PTPRG: variants seen among roughly 807,000 people sequenced by gnomAD.
The protein encoded by PTPRG is protein tyrosine phosphatase receptor type G.
PTPRG carries 102 observed loss-of-function variants against 165.3 expected under a neutral mutation model. The observed-to-expected ratio is 0.62, with a 90% CI of 0.53 to 0.73. The LOEUF (loss-of-function observed/expected upper bound fraction) is 0.73. PTPRG is among the 30% of genes least tolerant of loss of function. PTPRG has a pLI of 0.00. For synonymous variants in PTPRG, 675 were observed against 669.5 expected, an observed-to-expected ratio of 1.01 and a Z score of -0.13; for missense variants, 1,866 against 1,861.4, an observed-to-expected ratio of 1.00 and a Z score of -0.05.
intron 5 of PTPRG, among the ~76,000 whole-genome samples, chr3:62,131,987 G>A (rs1703533282): frequency 6.6e-6 from 1 of 152,152 alleles, no homozygotes; most frequent in Non-Finnish European, 1.5e-5. Context: ...AAAGTTAAGG[G>A]AAAGAAGAGG....
intron 2 of PTPRG, among the ~76,000 whole-genome samples, chr3:61,967,071 A>G (rs941042530): frequency 4.6e-5 from 7 of 152,202 alleles, no homozygotes; most frequent in African/African-American, 1.7e-4. Context: ...GTGTATGACA[A>G]AGTAAACTAA....
In PTPRG at chr3:62,277,020, C is replaced by T; in HGVS notation, c.3608C>T (p.Thr1203Ile). The T allele has an allele frequency of 6.2e-7, 1 of 1,612,880 alleles. No individual in the cohort carries two copies. The highest frequency in any genetic ancestry group is 1.3e-5 in the African/African-American group (1 of 74,960). The change falls in exon 25 of 30, where the codon ACA (threonine) becomes ATA (isoleucine). Residue 1203 changes from threonine (T) to isoleucine (I), a missense_variant. Physicochemically the swap from Thr to Ile is moderately conservative, Grantham distance 89. Around this residue, in one of 3 missense-constraint regions of PTPRG, gnomAD observed 1,452 missense variants for 1,463.0 expected, o/e 0.99. Coordinates refer to ENST00000474889, the MANE Select transcript of PTPRG (RefSeq NM_002841.4). ...GLAPLPGMKG[T>I]DYINASYIMG... ...GCACCATTGCCTGGAATGAAAGGAA[C>T]AGATTACATTAATGCTTCTTATATC...
intron 1 of PTPRG, among the ~76,000 whole-genome samples, chr3:61,691,022 A>G (rs1027613657): frequency 1.3e-5 from 2 of 152,240 alleles, no homozygotes; most frequent in African/African-American, 2.4e-5. Context: ...GAAATAAAAT[A>G]TGGCACGCCA....
intron 1 of PTPRG, among the ~76,000 whole-genome samples, chr3:61,569,672 G>A (rs1420368641): frequency 6.6e-6 from 1 of 152,088 alleles, no homozygotes; most frequent in Admixed American, 6.5e-5. Context: ...GAAAGCGGAC[G>A]GTGGAACTGA....
chr3:62,044,164 C>T (rs11130873), intron 4 of PTPRG, among the ~76,000 whole-genome samples: 2 of 151,776 alleles, frequency 1.3e-5, no homozygotes, highest in African/African-American at 4.8e-5. Flanking sequence ...TGAAGAGTGC[C>T]GCTTCTTAGC....
chr3:61,928,422 T>G (rs538060063), intron 2 of PTPRG, among the ~76,000 whole-genome samples: 1 of 152,222 alleles, frequency 6.6e-6, no homozygotes, highest in Non-Finnish European at 1.5e-5. Context: ...TGAGTCCATT[T>G]TTTTAATCCC....
chr3:62,150,699 A>G (rs1704302129), intron 6 of PTPRG, among the ~76,000 whole-genome samples: 6 of 152,206 alleles, frequency 3.9e-5, no homozygotes. Flanking sequence ...GAAACCCTGA[A>G]GAAACCAAAT....
intron 4 of PTPRG, among the ~76,000 whole-genome samples, chr3:62,067,055 A>G (rs1242873879): frequency 6.6e-6 from 1 of 151,560 alleles, no homozygotes; most frequent in Non-Finnish European, 1.5e-5. Flanking sequence ...AAAAAAAAAA[A>G]AAAAAATCAA....
chr3:62,121,183 GA>G (rs1266221293), intron 5 of PTPRG, among the ~76,000 whole-genome samples: 1 of 149,748 alleles, frequency 6.7e-6, no homozygotes, highest in Non-Finnish European at 1.5e-5. Flanking sequence ...TCGATCTCCT[GA>G]CCTCGTGATC....
At chr3:62,193,064 G>C (rs7632122) in intron 9 of PTPRG, among the ~76,000 whole-genome samples, 18,532 of 152,220 alleles carry the variant, frequency 0.12, 3,305 homozygotes, top group African/African-American at 0.39. Context: ...AAAGAGGAAT[G>C]TGTTGAAAGG....
At chr3:61,882,337 A>C (rs2037910583) in intron 2 of PTPRG, among the ~76,000 whole-genome samples, 1 of 152,184 alleles carries the variant, frequency 6.6e-6, no homozygotes, top group South Asian at 2.1e-4. Flanking sequence ...TGTTAAATAG[A>C]TTTGTACTCT....
chr3:61,771,758 A>G (rs996868168), intron 2 of PTPRG, among the ~76,000 whole-genome samples: 7 of 152,048 alleles, frequency 4.6e-5, no homozygotes, highest in African/African-American at 1.7e-4. Flanking sequence ...TGGTGAGCAG[A>G]TATGAAAATT....
intron 5 of PTPRG, among the ~76,000 whole-genome samples, chr3:62,114,680 G>T (rs569858192): frequency 6.6e-6 from 1 of 152,242 alleles, no homozygotes; most frequent in East Asian, 1.9e-4. Context: ...ATCTTGCTCT[G>T]TCTCTGAGGC....
At chr3:61,805,440 C>T (rs1035801181) in intron 2 of PTPRG, among the ~76,000 whole-genome samples, 3 of 150,930 alleles carry the variant, frequency 2.0e-5, no homozygotes, top group Non-Finnish European at 4.4e-5. Flanking sequence ...AAAAGAAAAA[C>T]GCTGCCAAAG....
intron 2 of PTPRG, among the ~76,000 whole-genome samples, chr3:61,974,310 T>C (rs1225877866): frequency 6.6e-6 from 1 of 152,112 alleles, no homozygotes; most frequent in East Asian, 1.9e-4. Flanking sequence ...AGTATGTCCT[T>C]TGGGAGGCTG....
At chr3:61,677,572 C>T (rs994978174) in intron 1 of PTPRG, among the ~76,000 whole-genome samples, 4 of 152,174 alleles carry the variant, frequency 2.6e-5, no homozygotes, top group Non-Finnish European at 4.4e-5. Flanking sequence ...ATAATGTGTG[C>T]ATATAAAAGC....
chr3:61,646,263 C>A (rs2106966414), intron 1 of PTPRG, among the ~76,000 whole-genome samples: 1 of 152,226 alleles, frequency 6.6e-6, no homozygotes. Flanking sequence ...CACCACGCCA[C>A]CACGCTTGGC....
chr3:62,160,594 A>G (rs759410565), intron 7 of PTPRG, among the ~76,000 whole-genome samples: 50 of 152,278 alleles, frequency 3.3e-4, no homozygotes, highest in Non-Finnish European at 5.6e-4. Flanking sequence ...CAACATATTC[A>G]TGATCAGTCA....
At chr3:61,924,664 A>G (rs1484056291) in intron 2 of PTPRG, among the ~76,000 whole-genome samples, 4 of 152,220 alleles carry the variant, frequency 2.6e-5, no homozygotes, top group African/African-American at 9.6e-5. Context: ...GAAGTATTTG[A>G]GTAGGTGATT....
Sources: gnomAD v4.1 joint callset for allele counts (sites outside exome capture counted in the v4.1 genomes callset) on GRCh38, gnomAD v4.1.1 for gene constraint, gnomAD v4.1.1 regional missense constraint, MANE v1.5 for transcripts, NCBI Gene and HGNC (gene_info 2026-07-23, HGNC 2026-07-21) for gene names.